Variants in WNT2 observed in about 807,000 individuals in gnomAD.
The protein encoded by WNT2 is protein Wnt-2.
A neutral mutation model predicts 36.9 loss-of-function variants in WNT2; 12 were observed. That is an observed-to-expected ratio of 0.33 (90% CI 0.21 to 0.53). The LOEUF is 0.53. Ranked by LOEUF, WNT2 falls within the 20% of genes least tolerant of loss-of-function variation. WNT2 has a pLI of 0.95. For missense variants in WNT2, 379 were observed against 473.1 expected, an observed-to-expected ratio of 0.80 and a Z score of 1.84; for synonymous variants, 163 against 174.6, an observed-to-expected ratio of 0.93 and a Z score of 0.52.
chr7:117,298,254 TTAAAA>T (rs1202737601), intron 3 of WNT2, among the ~76,000 whole-genome samples: 1 of 152,156 alleles, frequency 6.6e-6, no homozygotes, highest in African/African-American at 2.4e-5. Flanking sequence ...GCTGTCCAGT[TTAAAA>T]TAAAATAATA....
intron 3 of WNT2, among the ~76,000 whole-genome samples, chr7:117,311,429 C>G (rs1795120327): frequency 1.3e-5 from 2 of 152,178 alleles, no homozygotes; most frequent in African/African-American, 4.8e-5. Context: ...CTCCCAGGAT[C>G]TAGTACTTCA....
intron 3 of WNT2, among the ~76,000 whole-genome samples, chr7:117,298,674 C>T (rs1008890278): frequency 6.6e-6 from 1 of 152,158 alleles, no homozygotes; most frequent in African/African-American, 2.4e-5. Flanking sequence ...GGGCCTGAAA[C>T]TTCCAGGGAA....
Position 117,297,762 on chromosome 7 carries a change from A to G in WNT2, c.703T>C (p.Trp235Arg). The G allele has an allele frequency of 6.2e-7, 1 of 1,614,142 alleles. No individual in the cohort carries two copies. The highest frequency in any genetic ancestry group is 8.5e-7 in the Non-Finnish European group (1 of 1,180,002). The change falls in exon 4 of 5, where the codon TGG becomes CGG. Residue 235 changes from tryptophan to arginine, a missense_variant. Transcript: ENST00000265441. ...ADFRKTGDYL[W>R]RKYNGAIQVV... ...TGGATGGCCCCATTGTACTTCCTCC[A>G]GAGATAATCGCCCGTTTTCCTGAAG...
intron 4 of WNT2, among the ~76,000 whole-genome samples, chr7:117,287,639 G>T (rs1240845684): frequency 6.6e-6 from 1 of 152,062 alleles, no homozygotes; most frequent in Admixed American, 6.6e-5. Flanking sequence ...TATACTGTGT[G>T]GTCAACACAT....
chr7:117,301,215 A>C (rs1794899820), intron 3 of WNT2, among the ~76,000 whole-genome samples: 1 of 152,128 alleles, frequency 6.6e-6, no homozygotes, highest in Non-Finnish European at 1.5e-5. Context: ...TCCAGCACCC[A>C]CTGTTAACGC....
At chr7:117,302,926 G>T (rs897436760) in intron 3 of WNT2, among the ~76,000 whole-genome samples, 1 of 152,134 alleles carries the variant, frequency 6.6e-6, no homozygotes. Context: ...TTGAAAGAGA[G>T]GGGAAACAAA....
rs1455203720 is a variant in WNT2, at chr7:117,276,634, G to A, written c.*1521C>T. 1 of 152,162 alleles carries A rather than the reference G, an allele frequency of 6.6e-6. No individual in the cohort carries two copies. Among genetic ancestry groups the A allele is most frequent in the Non-Finnish European group, 1.5e-5 (1 of 68,032 alleles). The allele number at this position is 152,162 out of a possible 1,614,324, so 9.4% of individuals were successfully genotyped here. The stretch of plus-strand genomic sequence containing the variant: ...AAGAATGAGGAAGAACCAATAATTT[G>A]ATACCAGATGCATGTAATGAAATAT... On this transcript the variant is annotated 3_prime_UTR_variant, in exon 5 of 5. Coordinates refer to ENST00000265441, the MANE Select transcript of WNT2 (RefSeq NM_003391.3).
intron 4 of WNT2, among the ~76,000 whole-genome samples, chr7:117,296,291 C>T (rs972177954): frequency 1.3e-5 from 2 of 152,148 alleles, no homozygotes; most frequent in South Asian, 2.1e-4. Flanking sequence ...GTCATTAATC[C>T]CTGGGCTGCA....
At position 117,320,771 on chromosome 7, in the gene WNT2, A is replaced by G; in HGVS notation, c.106T>C (p.Ser36Pro). Reference protein sequence around the residue: ...SWWYMRATGGSSRVMCDNVPG... With the variant: ...SWWYMRATGGPSRVMCDNVPG... ...ACATTATCGCACATCACCCTGGAGG[A>G]GCCACCTGTAGCTCTCATGTACCTA... The change falls in exon 2 of 5, where the codon TCC becomes CCC. Residue 36 changes from serine (S) to proline (P), a missense_variant. Ser to Pro is a moderately conservative substitution (Grantham distance 74). Coordinates refer to ENST00000265441, the MANE Select transcript of WNT2 (RefSeq NM_003391.3). The G allele has an allele frequency of 6.2e-7, 1 of 1,611,776 alleles. No homozygotes were observed. Among genetic ancestry groups the G allele is most frequent in the Non-Finnish European group, 8.5e-7 (1 of 1,179,722 alleles).
intron 4 of WNT2, among the ~76,000 whole-genome samples, chr7:117,283,991 C>T (rs1794539748): frequency 6.6e-6 from 1 of 152,048 alleles, no homozygotes; most frequent in Admixed American, 6.5e-5. Context: ...AATGGGCCAA[C>T]TGGGCGGGAA....
intron 4 of WNT2, among the ~76,000 whole-genome samples, chr7:117,291,945 T>G (rs1794697443): frequency 6.6e-6 from 1 of 151,786 alleles, no homozygotes; most frequent in African/African-American, 2.4e-5. Context: ...GCCTGGCTAA[T>G]TTTGTATTTT....
chr7:117,311,004 C>G (rs1180724906), intron 3 of WNT2, among the ~76,000 whole-genome samples: 1 of 152,102 alleles, frequency 6.6e-6, no homozygotes, highest in African/African-American at 2.4e-5. Flanking sequence ...GATTTAGTAC[C>G]AAAACTGATG....
intron 4 of WNT2, among the ~76,000 whole-genome samples, chr7:117,294,348 TA>T (rs1173495047): frequency 2.0e-5 from 3 of 152,126 alleles, no homozygotes; most frequent in Non-Finnish European, 2.9e-5. Context: ...ATATATACAA[TA>T]AAAAAATTTT....
intron 3 of WNT2, among the ~76,000 whole-genome samples, chr7:117,310,427 A>G (rs1795098829): frequency 6.6e-6 from 1 of 151,668 alleles, no homozygotes; most frequent in African/African-American, 2.4e-5. Context: ...CAAATAAGAA[A>G]CACCCCAAAT....
chr7:117,288,800 A>T (rs1794632191), intron 4 of WNT2, among the ~76,000 whole-genome samples: 1 of 152,190 alleles, frequency 6.6e-6, no homozygotes, highest in Admixed American at 6.5e-5. Flanking sequence ...ATTTTAGTGT[A>T]TCCTAAAAAT....
intron 4 of WNT2, 60 bp from the exon 5 acceptor site, chr7:117,278,444 AG>A: frequency 6.6e-7 from 1 of 1,504,032 alleles, no homozygotes; most frequent in Non-Finnish European, 9.0e-7. Flanking sequence ...ATATGCCTCC[AG>A]AGGAGGAGTC....
chr7:117,310,525 G>A (rs2116379102), intron 3 of WNT2, among the ~76,000 whole-genome samples: 1 of 146,844 alleles, frequency 6.8e-6, no homozygotes, highest in African/African-American at 2.5e-5. Context: ...CCAGGCTCTA[G>A]TGAGCCGAGA....
intron 4 of WNT2, among the ~76,000 whole-genome samples, chr7:117,288,598 T>C (rs1374052307): frequency 6.6e-6 from 1 of 152,244 alleles, no homozygotes; most frequent in Non-Finnish European, 1.5e-5. Context: ...GTAGTTTCTA[T>C]TTCCAAAATA....
intron 4 of WNT2, among the ~76,000 whole-genome samples, chr7:117,289,878 T>C (rs1794655369): frequency 6.6e-6 from 1 of 152,132 alleles, no homozygotes; most frequent in African/African-American, 2.4e-5. Context: ...AGATAGGTCC[T>C]TGACACATTT....
Sources: gnomAD v4.1 joint callset for allele counts (sites outside exome capture counted in the v4.1 genomes callset) on GRCh38, gnomAD v4.1.1 for gene constraint, MANE v1.5 for transcripts, NCBI Gene and HGNC (gene_info 2026-07-23, HGNC 2026-07-21) for gene names.